Variants in CYP20A1 observed in about 807,000 individuals in gnomAD.
The protein encoded by CYP20A1 is cytochrome P450 20A1.
A neutral mutation model predicts 61.4 loss-of-function variants in CYP20A1; 61 were observed. The ratio of observed to expected loss-of-function variants is 0.99; its 90% confidence interval spans 0.81 to 1.23. The LOEUF (loss-of-function observed/expected upper bound fraction) is 1.23. CYP20A1 is among the 50% of genes most tolerant of loss of function. The pLI, the probability that CYP20A1 is intolerant of heterozygous loss-of-function variation, is 0.00. For synonymous variants in CYP20A1, 193 were observed against 188.2 expected, an observed-to-expected ratio of 1.03 and a Z score of -0.21; for missense variants, 530 against 542.4, an observed-to-expected ratio of 0.98 and a Z score of 0.23.
intron 8 of CYP20A1, among the ~76,000 whole-genome samples, chr2:203,281,711 G>A (rs2068049369): frequency 6.6e-6 from 1 of 151,864 alleles, no homozygotes; most frequent in African/African-American, 2.4e-5. Context: ...TGAGGCAAAA[G>A]AATCGCTTGA....
chr2:203,279,119 C>T (rs566338357), intron 7 of CYP20A1, among the ~76,000 whole-genome samples: 1 of 152,110 alleles, frequency 6.6e-6, no homozygotes, highest in African/African-American at 2.4e-5. Flanking sequence ...CGCGCACCAC[C>T]ACGCCCAGAT....
chr2:203,291,616 T>C (rs766391940), intron 10 of CYP20A1, among the ~76,000 whole-genome samples: 2 of 152,182 alleles, frequency 1.3e-5, no homozygotes, highest in Non-Finnish European at 2.9e-5. Context: ...ATTCTGTCAA[T>C]TATATAGCAA....
rs185165058 is a variant in CYP20A1, at chr2:203,249,218, A to C, written c.289+2297A>C. Among the ~76,000 whole-genome samples the C allele has an allele frequency of 1.6e-4, 24 of 152,358 alleles. No homozygotes were observed. In the East Asian group the frequency reaches 4.2e-3, roughly 27 times the overall value. On this transcript the variant is annotated intron_variant, in intron 3 of 12. Coordinates refer to ENST00000356079, the MANE Select transcript of CYP20A1 (RefSeq NM_177538.3). The stretch of plus-strand genomic sequence containing the variant: ...ACATAAAAATGAAAAATTTTAGTAC[A>C]ATAACAAACATCTTGAATGGATGCG...
chr2:203,282,154 T>C (rs2068068829), intron 8 of CYP20A1, among the ~76,000 whole-genome samples: 1 of 151,448 alleles, frequency 6.6e-6, no homozygotes, highest in Admixed American at 6.6e-5. Flanking sequence ...TCTCCTGCCT[T>C]AGCCCCCTGA....
intron 6 of CYP20A1, among the ~76,000 whole-genome samples, chr2:203,276,618 AG>A (rs879521343): frequency 5.3e-5 from 8 of 152,172 alleles, no homozygotes; most frequent in Admixed American, 3.3e-4. Context: ...GGAGACACCA[AG>A]GTTTTTGGCC....
Position 203,304,781 on chromosome 2 carries a change from C to G in CYP20A1, c.*7873C>G, listed in dbSNP as rs1214142798. The stretch of plus-strand genomic sequence containing the variant: ...CGAAACTGCATCTCTACAAAAAATA[C>G]AAAAATTAGCCAGGTGTGCTGGCGC... On this transcript the variant is annotated 3_prime_UTR_variant, in exon 13 of 13. Coordinates refer to ENST00000356079, the MANE Select transcript of CYP20A1 (RefSeq NM_177538.3). Among the ~76,000 whole-genome samples the G allele has an allele frequency of 3.9e-5, 6 of 151,992 alleles. No homozygotes were observed. The highest frequency in any genetic ancestry group is 9.7e-5 in the African/African-American group (4 of 41,368).
chr2:203,278,265 CTG>C (rs1260563568), intron 6 of CYP20A1, among the ~76,000 whole-genome samples: 2 of 152,186 alleles, frequency 1.3e-5, no homozygotes, highest in Non-Finnish European at 2.9e-5. Flanking sequence ...CAGAGCAAGA[CTG>C]TGTCTCAAAA....
intron 5 of CYP20A1, among the ~76,000 whole-genome samples, chr2:203,268,914 C>T (rs1055733453): frequency 1.3e-5 from 2 of 152,092 alleles, no homozygotes; most frequent in African/African-American, 4.8e-5. Flanking sequence ...GAGCCAATGA[C>T]GACTGCATCA....
chr2:203,302,704 T>G lies in CYP20A1; in HGVS notation c.*5796T>G, dbSNP rs555496852. On this transcript the variant is annotated 3_prime_UTR_variant, in exon 13 of 13. Transcript: ENST00000356079. ...AGATTTTTGTCATTCTTTATCTTTT[T>G]TGTGTGTGTGTGACAGAGTCTCACT... 5.1e-4 allele frequency among the ~76,000 whole-genome samples: 77 copies of G among 152,200 alleles called. 1 individual carries two copies. The highest frequency in any genetic ancestry group is 1.3e-3 in the African/African-American group (52 of 41,526).
At chr2:203,286,561 T>A (rs2068280702) in intron 9 of CYP20A1, among the ~76,000 whole-genome samples, 1 of 152,140 alleles carries the variant, frequency 6.6e-6, no homozygotes, top group African/African-American at 2.4e-5. Flanking sequence ...AGATGAATCT[T>A]AGTGATTTAA....
At chr2:203,288,838 A>G (rs1388450734) in intron 9 of CYP20A1, among the ~76,000 whole-genome samples, 2 of 152,170 alleles carry the variant, frequency 1.3e-5, no homozygotes, top group African/African-American at 4.8e-5. Context: ...ATCTTAAATA[A>G]CTGCCTCTGA....
At position 203,289,940 on chromosome 2, in the gene CYP20A1, G is replaced by A. The variant is rs111415018; in HGVS notation, c.1083+64G>A. On this transcript the variant is annotated intron_variant, in intron 10 of 12. Transcript: ENST00000356079. ...CTCAACTCTTTTGGTGTGTGTGTGT[G>A]TATATATATATATATTTTAGACAGA... 297 of 596,420 alleles carry A rather than the reference G, an allele frequency of 5.0e-4. 1 individual carries two copies. Among genetic ancestry groups the A allele is most frequent in the African/African-American group, 1.0e-3 (52 of 51,482 alleles). 36.9% of individuals were successfully genotyped at this position (596,420 alleles called of 1,614,324 possible).
At chr2:203,269,906 G>C (rs1235722004) in intron 5 of CYP20A1, among the ~76,000 whole-genome samples, 1 of 152,210 alleles carries the variant, frequency 6.6e-6, no homozygotes, top group Non-Finnish European at 1.5e-5. Flanking sequence ...TGGGATTACA[G>C]GCGTGAGCCA....
intron 11 of CYP20A1, among the ~76,000 whole-genome samples, chr2:203,295,982 C>T (rs571484367): frequency 6.6e-6 from 1 of 151,790 alleles, no homozygotes; most frequent in East Asian, 1.9e-4. Flanking sequence ...AATAAAGTGC[C>T]AGTCGTGGTG....
chr2:203,253,546 A>G (rs2066778512), intron 4 of CYP20A1, among the ~76,000 whole-genome samples: 2 of 152,252 alleles, frequency 1.3e-5, no homozygotes, highest in Non-Finnish European at 1.5e-5. Context: ...ACATCCAAAA[A>G]ACTAAACATT....
At chr2:203,267,295 G>A (rs543167537) in intron 5 of CYP20A1, among the ~76,000 whole-genome samples, 24 of 152,238 alleles carry the variant, frequency 1.6e-4, no homozygotes, top group African/African-American at 5.5e-4. Flanking sequence ...CACTTTGGGA[G>A]GCCGAGGCAG....
chr2:203,243,797 C>A (rs1360650802), intron 1 of CYP20A1, among the ~76,000 whole-genome samples: 1 of 150,540 alleles, frequency 6.6e-6, no homozygotes, highest in African/African-American at 2.4e-5. Context: ...TCAAGTGATC[C>A]TCCTGCCTCA....
At chr2:203,242,041 C>T (rs975443774) in intron 1 of CYP20A1, among the ~76,000 whole-genome samples, 13 of 152,124 alleles carry the variant, frequency 8.5e-5, no homozygotes, top group Admixed American at 2.6e-4. Context: ...AAGATTTCAC[C>T]GTGTTGGCCA....
intron 1 of CYP20A1, among the ~76,000 whole-genome samples, chr2:203,241,635 A>C (rs913414783): frequency 3.3e-5 from 5 of 152,188 alleles, no homozygotes; most frequent in Non-Finnish European, 7.4e-5. Context: ...GTTAAGGCCT[A>C]ATAATTTGAT....
Sources: allele counts gnomAD v4.1 joint callset (sites outside exome capture counted in the v4.1 genomes callset), GRCh38; gene constraint gnomAD v4.1.1; transcripts MANE v1.5; gene names NCBI Gene and HGNC (gene_info 2026-07-23, HGNC 2026-07-21).